Variants in SYNPR observed in about 807,000 individuals in gnomAD.
The protein encoded by SYNPR is synaptoporin.
In SYNPR, 23 loss-of-function variants were observed where a neutral mutation model predicts 32.9. The observed-to-expected ratio is 0.70, with a 90% CI of 0.50 to 0.99. The LOEUF is 0.99. Among genes scored for constraint, SYNPR ranks in the 50% least tolerant of loss-of-function variants. The pLI, the probability that SYNPR is intolerant of heterozygous loss-of-function variation, is 0.00. For synonymous variants in SYNPR, 146 were observed against 135.9 expected (o/e 1.07, Z -0.52); for missense variants, 318 against 349.3 (o/e 0.91, Z 0.71).
chr3:63,464,286 T>C (rs976890417), intron 2 of SYNPR, among the ~76,000 whole-genome samples: 3 of 152,198 alleles, frequency 2.0e-5, no homozygotes, highest in Non-Finnish European at 4.4e-5. Flanking sequence ...CATTGAAGAA[T>C]TTAATTTACA....
At chr3:63,595,717 T>A (rs3933907) in intron 4 of SYNPR, among the ~76,000 whole-genome samples, 405 of 17,834 alleles carry the variant, frequency 0.023, 16 homozygotes, top group Middle Eastern at 0.088. Context: ...GAATCTTATT[T>A]TATATATATA....
chr3:63,552,643 A>G (rs2106822997), intron 3 of SYNPR, among the ~76,000 whole-genome samples: 1 of 152,350 alleles, frequency 6.6e-6, no homozygotes, highest in African/African-American at 2.4e-5. Flanking sequence ...GGGGCCCAGG[A>G]ATATGCATTT....
At chr3:63,424,677 G>C (rs1285420789) in intron 2 of SYNPR, among the ~76,000 whole-genome samples, 1 of 152,086 alleles carries the variant, frequency 6.6e-6, no homozygotes, top group Non-Finnish European at 1.5e-5. Flanking sequence ...CAATCACTCT[G>C]TTAGCACACA....
intron 2 of SYNPR, among the ~76,000 whole-genome samples, chr3:63,446,162 A>G (rs960423443): frequency 8.5e-5 from 13 of 152,208 alleles, no homozygotes; most frequent in African/African-American, 3.1e-4. Context: ...GCTTAGAAAT[A>G]TCAATATCTC....
At chr3:63,593,972 G>C (rs1314610205) in intron 4 of SYNPR, among the ~76,000 whole-genome samples, 2 of 152,148 alleles carry the variant, frequency 1.3e-5, no homozygotes. Flanking sequence ...ACTTGGAAAA[G>C]AGACAGAAAC....
intron 2 of SYNPR, among the ~76,000 whole-genome samples, chr3:63,347,433 C>G (rs2087451615): frequency 6.6e-6 from 1 of 152,094 alleles, no homozygotes; most frequent in Non-Finnish European, 1.5e-5. Flanking sequence ...AACACTCATC[C>G]TTTTCTTTTT....
intron 3 of SYNPR, among the ~76,000 whole-genome samples, chr3:63,531,436 C>T (rs995046549): frequency 3.9e-5 from 6 of 152,064 alleles, no homozygotes; most frequent in African/African-American, 9.7e-5. Context: ...AGCTCTACCT[C>T]GGCTAACAAG....
intron 2 of SYNPR, among the ~76,000 whole-genome samples, chr3:63,452,966 T>C (rs1376303789): frequency 1.3e-5 from 2 of 152,158 alleles, no homozygotes; most frequent in African/African-American, 4.8e-5. Context: ...GTCGAATCCT[T>C]AACCTTTAAG....
rs567794111 is a variant in SYNPR at position 63,327,006 on chromosome 3, A to G, written c.84+48264A>G. Among the ~76,000 whole-genome samples the G allele has an allele frequency of 9.9e-5, 15 of 152,210 alleles. No individual in the cohort carries two copies. The South Asian group carries it at 1.4e-3, about 15-fold the overall frequency. On this transcript the variant is annotated intron_variant, in intron 2 of 5. Transcript: ENST00000478300. ...TAAAAGACTACTTTCCTCATAGAAA[A>G]AAAAAAATGAACCACTGACACTTTA...
At chr3:63,205,491 A>G in the SYNPR span, among the ~76,000 whole-genome samples, 3 of 152,334 alleles carry the variant, frequency 2.0e-5, no homozygotes, top group East Asian at 5.8e-4. Flanking sequence ...CATCACTTAT[A>G]GGGAGAAGGG....
intron 2 of SYNPR, among the ~76,000 whole-genome samples, chr3:63,258,211 C>G (rs2086404883): frequency 6.6e-6 from 1 of 152,184 alleles, no homozygotes; most frequent in African/African-American, 2.4e-5. Context: ...CAGCTCTGCA[C>G]CAAGCGGACC....
At chr3:63,475,024 G>A (rs1700873626) in intron 2 of SYNPR, among the ~76,000 whole-genome samples, 1 of 152,152 alleles carries the variant, frequency 6.6e-6, no homozygotes, top group Admixed American at 6.5e-5. Flanking sequence ...AGCACACAAG[G>A]ATTGAGCTGC....
At chr3:63,451,516 C>G (rs1700379726) in intron 2 of SYNPR, among the ~76,000 whole-genome samples, 1 of 152,132 alleles carries the variant, frequency 6.6e-6, no homozygotes, top group Admixed American at 6.5e-5. Context: ...AGTAGTGCCC[C>G]TGAATTTTCC....
the SYNPR span, among the ~76,000 whole-genome samples, chr3:63,209,262 G>A: frequency 2.8e-5 from 4 of 141,154 alleles, no homozygotes; most frequent in South Asian, 4.4e-4. Context: ...AGCCTGCAGC[G>A]AGCAGAGATC....
chr3:63,551,106 C>G (rs1702493127), intron 3 of SYNPR, among the ~76,000 whole-genome samples: 1 of 152,208 alleles, frequency 6.6e-6, no homozygotes, highest in African/African-American at 2.4e-5. Flanking sequence ...TAAGCAAACA[C>G]TAACCTGCTT....
intron 2 of SYNPR, among the ~76,000 whole-genome samples, chr3:63,325,852 T>C (rs2087160230): frequency 6.6e-6 from 1 of 152,002 alleles, no homozygotes; most frequent in African/African-American, 2.4e-5. Flanking sequence ...AGCTTTCACT[T>C]CCTGCTGAAG....
chr3:63,314,284 A>C lies in SYNPR; in HGVS notation c.84+35542A>C, dbSNP rs1455406582. On this transcript the variant is annotated intron_variant, in intron 2 of 5. Transcript: ENST00000478300. The stretch of plus-strand genomic sequence containing the variant: ...CAAATGGTAGTTCAGTTCTTTAGGC[A>C]ATCTCCACAGTGTTTTCTACAGTGG... Among the ~76,000 whole-genome samples, 4 of 151,264 alleles carry C rather than the reference A, an allele frequency of 2.6e-5. No homozygotes were observed. In the East Asian group the frequency reaches 5.9e-4, roughly 22 times the overall value.
chr3:63,385,152 C>T (rs2088024084), intron 2 of SYNPR, among the ~76,000 whole-genome samples: 1 of 152,102 alleles, frequency 6.6e-6, no homozygotes, highest in Non-Finnish European at 1.5e-5. Context: ...CACTAGATAT[C>T]CTTCTTTAAG....
chr3:63,494,420 T>TATATATATATACAC (rs1701322258), intron 3 of SYNPR, among the ~76,000 whole-genome samples: 1 of 48,030 alleles, frequency 2.1e-5, no homozygotes, highest in African/African-American at 1.1e-4. Flanking sequence ...TATATATACG[T>TATATATATATACAC]ATATATATAT....
Sources: gnomAD v4.1 joint callset for allele counts (sites outside exome capture counted in the v4.1 genomes callset) on GRCh38, gnomAD v4.1.1 for gene constraint, MANE v1.5 for transcripts, NCBI Gene and HGNC (gene_info 2026-07-23, HGNC 2026-07-21) for gene names.